Variants in CPS1 observed in about 807,000 individuals in gnomAD.
The protein encoded by CPS1 is carbamoyl-phosphate synthase [ammonia], mitochondrial.
In CPS1, 109 loss-of-function variants were observed where a neutral mutation model predicts 174.6. The observed-to-expected ratio is 0.62, with a 90% CI of 0.53 to 0.73. The LOEUF (loss-of-function observed/expected upper bound fraction) is 0.73, where lower values mean the gene tolerates loss of function less well. CPS1 is among the 30% of genes least tolerant of loss of function. The pLI, the probability that CPS1 is intolerant of heterozygous loss-of-function variation, is 0.00. For synonymous variants in CPS1, 637 were observed against 632.0 expected (o/e 1.01, Z -0.12); for missense variants, 1,689 against 1,821.9 (o/e 0.93, Z 1.33).
At chr2:210,614,819 G>A (rs912796830) in intron 20 of CPS1, among the ~76,000 whole-genome samples, 3 of 151,694 alleles carry the variant, frequency 2.0e-5, no homozygotes, top group Non-Finnish European at 4.4e-5. Flanking sequence ...TCACTCATAA[G>A]TGGGAGTGGA....
intron 20 of CPS1, among the ~76,000 whole-genome samples, chr2:210,614,005 T>G (rs1023081273): frequency 2.2e-4 from 34 of 151,944 alleles, no homozygotes; most frequent in Non-Finnish European, 4.4e-5. Flanking sequence ...TGTAAATCTT[T>G]GCTTGCTTTC....
chr2:210,586,206 C>G (rs1170947327), intron 6 of CPS1, among the ~76,000 whole-genome samples: 1 of 151,660 alleles, frequency 6.6e-6, no homozygotes, highest in African/African-American at 2.4e-5. Flanking sequence ...TCATGTCGGG[C>G]AGGGATGTGC....
At chr2:210,657,752 T>C (rs1700765611) in intron 30 of CPS1, 1 of 152,222 alleles carries the variant, frequency 6.6e-6, no homozygotes, top group Non-Finnish European at 1.5e-5. Context: ...TGGTTGTACA[T>C]TGGGCTGGAT....
intron 1 of CPS1, among the ~76,000 whole-genome samples, chr2:210,496,562 A>G (rs924432780): frequency 2.0e-5 from 3 of 152,216 alleles, no homozygotes; most frequent in African/African-American, 7.2e-5. Flanking sequence ...AGGCTAGATC[A>G]TCTAGGGCCC....
intron 1 of CPS1, among the ~76,000 whole-genome samples, chr2:210,505,887 G>A (rs1695267323): frequency 1.3e-5 from 2 of 152,202 alleles, no homozygotes; most frequent in African/African-American, 4.8e-5. Context: ...AAAAAGCACA[G>A]GGAAGCTCGA....
At chr2:210,511,774 GA>G (rs1695501769) in intron 1 of CPS1, among the ~76,000 whole-genome samples, 1 of 152,080 alleles carries the variant, frequency 6.6e-6, no homozygotes, top group Admixed American at 6.6e-5. Flanking sequence ...ATTCCTGAAT[GA>G]GGGAGGACTA....
At chr2:210,658,725 C>A in intron 31 of CPS1, 37 bp downstream of exon 31, 1 of 1,443,732 alleles carries the variant, frequency 6.9e-7, no homozygotes, top group Non-Finnish European at 9.7e-7. Flanking sequence ...GACACCACCA[C>A]TGTGTTACGT....
chr2:210,480,421 A>G (rs1439120897), intron 1 of CPS1, among the ~76,000 whole-genome samples: 1 of 152,214 alleles, frequency 6.6e-6, no homozygotes, highest in Non-Finnish European at 1.5e-5. Flanking sequence ...ATGTCCTCCA[A>G]TACATGATGG....
At chr2:210,586,252 G>A (rs1698103593) in intron 6 of CPS1, among the ~76,000 whole-genome samples, 1 of 151,896 alleles carries the variant, frequency 6.6e-6, no homozygotes, top group African/African-American at 2.4e-5. Context: ...AGTATGTGTT[G>A]TTAAAGAAAA....
chr2:210,669,026 C>T (rs1701201955), intron 34 of CPS1, among the ~76,000 whole-genome samples: 1 of 152,036 alleles, frequency 6.6e-6, no homozygotes, highest in Non-Finnish European at 1.5e-5. Flanking sequence ...ACTTAATGGG[C>T]CTAATACAGT....
chr2:210,496,870 G>A (rs185729730), intron 1 of CPS1, among the ~76,000 whole-genome samples: 3 of 152,040 alleles, frequency 2.0e-5, no homozygotes, highest in Admixed American at 6.6e-5. Context: ...CTTTTTCTTC[G>A]CTACTTTATT....
intron 16 of CPS1, among the ~76,000 whole-genome samples, chr2:210,604,684 C>A (rs1463471662): frequency 6.6e-6 from 1 of 151,848 alleles, no homozygotes; most frequent in African/African-American, 2.4e-5. Context: ...TGTCACTGTA[C>A]AAAGCACCCT....
At position 210,576,367 on chromosome 2, in the gene CPS1, C is replaced by A; in HGVS notation, c.258C>A (p.Asp86Glu). 3.7e-6 allele frequency: 6 copies of A among 1,613,648 alleles called. No individual in the cohort carries two copies. The highest frequency in any genetic ancestry group is 5.1e-6 in the Non-Finnish European group (6 of 1,179,696). The change falls in exon 3 of 38, where the codon GAC becomes GAA. Residue 86 changes from aspartate to glutamate, a missense_variant. Physicochemically the swap from Asp to Glu is conservative, Grantham distance 45. Coordinates refer to ENST00000233072, the MANE Select transcript of CPS1 (RefSeq NM_001875.5). ...CCAGGTACCCAGAAGCTATTACTGA[C>A]CCTGCCTACAAAGGACAGATTCTCA... ...GLGGYPEAIT[D>E]PAYKGQILTM...
chr2:210,652,117 G>A (rs1700577220), intron 28 of CPS1, among the ~76,000 whole-genome samples: 1 of 152,114 alleles, frequency 6.6e-6, no homozygotes, highest in Non-Finnish European at 1.5e-5. Context: ...CTTACATTGT[G>A]GGAGTAGGAG....
At chr2:210,528,484 G>A (rs925725585) in intron 1 of CPS1, among the ~76,000 whole-genome samples, 1 of 151,768 alleles carries the variant, frequency 6.6e-6, no homozygotes, top group Admixed American at 6.6e-5. Context: ...ATTGGTTAAG[G>A]TTCTTCTGGT....
intron 30 of CPS1, chr2:210,658,134 T>G (rs1485656327): frequency 5.0e-6 from 1 of 201,566 alleles, no homozygotes; most frequent in Non-Finnish European, 1.0e-5. Context: ...ATATCTAACC[T>G]TGTAGAGTCC....
Position 210,616,311 on chromosome 2 carries a change from A to G in CPS1, c.2569-112A>G, listed in dbSNP as rs1699302009. On this transcript the variant is annotated intron_variant, in intron 20 of 37. Coordinates refer to ENST00000233072, the MANE Select transcript of CPS1 (RefSeq NM_001875.5). ...TTTCATGTTTTGTAACTCAGTCTAC[A>G]GTCTCGGGCTCTCTAAATAACACAC... The G allele has an allele frequency of 3.9e-6, 3 of 768,674 alleles. No homozygotes were observed. In the South Asian group the frequency reaches 4.1e-5, roughly 11 times the overall value. The allele number at this position is 768,674 out of a possible 1,614,324, so 47.6% of individuals were successfully genotyped here.
intron 1 of CPS1, among the ~76,000 whole-genome samples, chr2:210,569,759 T>C (rs543556383): frequency 1.4e-4 from 21 of 152,056 alleles, no homozygotes; most frequent in Non-Finnish European, 2.8e-4. Context: ...CTTTATTTTA[T>C]AGAACTCACA....
rs745469099 is a variant in CPS1, at chr2:210,556,682, AAT to A, written c.-51_-50del. 5.0e-6 allele frequency: 8 copies of A among 1,608,574 alleles called. No homozygotes were observed. The highest frequency in any genetic ancestry group is 4.0e-5 in the African/African-American group (3 of 74,434). The stretch of plus-strand genomic sequence containing the variant: ...CATTAACTAAAAAGTCTTATCACAC[AAT>A]CTCATAAAATTTATGTAATTTCATT... On this transcript the variant is annotated 5_prime_UTR_variant, in exon 1 of 38. Transcript: ENST00000233072.
Sources: allele counts gnomAD v4.1 joint callset (sites outside exome capture counted in the v4.1 genomes callset), GRCh38; gene constraint gnomAD v4.1.1; transcripts MANE v1.5; gene names NCBI Gene and HGNC (gene_info 2026-07-23, HGNC 2026-07-21).